The following GKAP1 variants were observed in gnomAD, a reference collection of about 807,000 sequenced individuals.
GKAP1 encodes G kinase-anchoring protein 1.
Under a neutral mutation model 56.7 loss-of-function variants are expected in GKAP1, and 31 were observed. That is an observed-to-expected ratio of 0.55 (90% CI 0.41 to 0.74). The LOEUF is 0.74. Among genes scored for constraint, GKAP1 ranks in the 30% least tolerant of loss-of-function variants. GKAP1 has a pLI of 0.00. For missense variants in GKAP1, 364 were observed against 402.3 expected (o/e 0.90, Z 0.82); for synonymous variants, 151 against 138.6 (o/e 1.09, Z -0.63).
chr9:83,796,695 G>A (rs1165989756), intron 4 of GKAP1, among the ~76,000 whole-genome samples: 1 of 151,964 alleles, frequency 6.6e-6, no homozygotes, highest in Non-Finnish European at 1.5e-5. Flanking sequence ...TCGAACTCCC[G>A]ACCTCAGCTG....
chr9:83,755,259 G>C (rs767455873), intron 8 of GKAP1, among the ~76,000 whole-genome samples: 1 of 152,070 alleles, frequency 6.6e-6, no homozygotes, highest in Non-Finnish European at 1.5e-5. Flanking sequence ...ATAGGATATA[G>C]GTTAAATATA....
At chr9:83,793,499 T>A (rs1369497865) in intron 4 of GKAP1, among the ~76,000 whole-genome samples, 1 of 152,228 alleles carries the variant, frequency 6.6e-6, no homozygotes, top group African/African-American at 2.4e-5. Context: ...TCACATTCAT[T>A]ACCACATTCA....
At chr9:83,776,338 T>G (rs1943861887) in intron 7 of GKAP1, among the ~76,000 whole-genome samples, 1 of 152,200 alleles carries the variant, frequency 6.6e-6, no homozygotes, top group South Asian at 2.1e-4. Flanking sequence ...AGGTGAGATT[T>G]ATTTAAAGCT....
chr9:83,813,629 G>A (rs1044137993), intron 2 of GKAP1, among the ~76,000 whole-genome samples: 1 of 152,170 alleles, frequency 6.6e-6, no homozygotes, highest in Non-Finnish European at 1.5e-5. Flanking sequence ...ATAATGTATA[G>A]TTGAAGGAAG....
chr9:83,811,019 G>T (rs1398823303), intron 2 of GKAP1, among the ~76,000 whole-genome samples: 3 of 152,108 alleles, frequency 2.0e-5, no homozygotes, highest in African/African-American at 7.2e-5. Flanking sequence ...TAAAGAAAAG[G>T]TACAATAAAA....
chr9:83,806,293 T>C lies in GKAP1; in HGVS notation c.216+9A>G, dbSNP rs187436883. The C allele has an allele frequency of 4.3e-5, 64 of 1,498,280 alleles. No homozygotes were observed. The highest frequency in any genetic ancestry group is 1.4e-5 in the African/African-American group (1 of 72,092). 92.8% of individuals were successfully genotyped at this position (1,498,280 alleles called of 1,614,324 possible). A position where few individuals can be genotyped will look rare whatever the true frequency, so the allele number is the denominator to read the frequency against. On this transcript the variant is annotated intron_variant, in intron 3 of 12. Coordinates refer to ENST00000376371, the MANE Select transcript of GKAP1 (RefSeq NM_025211.4). ...CTGGGAAAGCAGACAACACAGATAA[T>C]TGTGTTACCTCATTTGCTTCACTCT... is the stretch of plus-strand genomic sequence containing the variant.
intron 7 of GKAP1, among the ~76,000 whole-genome samples, chr9:83,770,593 T>C (rs1319591734): frequency 6.6e-6 from 1 of 152,136 alleles, no homozygotes; most frequent in Admixed American, 6.6e-5. Context: ...GTTTCACTCT[T>C]GTTGCCCAGG....
intron 4 of GKAP1, among the ~76,000 whole-genome samples, chr9:83,796,687 G>A (rs941151073): frequency 1.3e-5 from 2 of 151,696 alleles, no homozygotes; most frequent in East Asian, 2.0e-4. Flanking sequence ...GGCTGGTCTC[G>A]AACTCCCGAC....
intron 7 of GKAP1, among the ~76,000 whole-genome samples, chr9:83,773,838 A>C (rs987054241): frequency 5.9e-5 from 9 of 152,216 alleles, no homozygotes; most frequent in Non-Finnish European, 1.3e-4. Context: ...GTATTTTATA[A>C]TAAAATGCAG....
intron 8 of GKAP1, among the ~76,000 whole-genome samples, chr9:83,759,170 T>C (rs565871644): frequency 2.6e-5 from 4 of 152,334 alleles, no homozygotes; most frequent in South Asian, 2.1e-4. Flanking sequence ...AGGATATCCA[T>C]GATTACAGAT....
At position 83,788,691 on chromosome 9, in the gene GKAP1, A is replaced by T. The variant is rs1251881821; in HGVS notation, c.361-13T>A. On this transcript the variant is annotated splice_polypyrimidine_tract_variant and intron_variant, in intron 4 of 12. Transcript: ENST00000376371. ...TTTCAGATGTCAGCTACAAAAAAAA[A>T]GTTTCACAATAAACAGACAGTATCA... 3.2e-6 allele frequency: 5 copies of T among 1,575,728 alleles called. No individual in the cohort carries two copies. The Admixed American group carries it at 6.8e-5, about 21-fold the overall frequency.
chr9:83,787,008 G>A (rs1047112637), intron 5 of GKAP1, among the ~76,000 whole-genome samples: 3 of 152,098 alleles, frequency 2.0e-5, no homozygotes, highest in Admixed American at 6.5e-5. Flanking sequence ...TAACCTGACA[G>A]TCCATTTAAA....
At chr9:83,757,986 T>A (rs1372513166) in intron 8 of GKAP1, among the ~76,000 whole-genome samples, 1 of 152,044 alleles carries the variant, frequency 6.6e-6, no homozygotes, top group African/African-American at 2.4e-5. Context: ...AAGGTATCCA[T>A]CAAACAACAG....
At chr9:83,796,872 TTGAC>T (rs1944257099) in intron 4 of GKAP1, among the ~76,000 whole-genome samples, 1 of 152,236 alleles carries the variant, frequency 6.6e-6, no homozygotes, top group Non-Finnish European at 1.5e-5. Flanking sequence ...TACTATCCCC[TTGAC>T]TTTTACAAAA....
intron 3 of GKAP1, among the ~76,000 whole-genome samples, chr9:83,804,974 A>G (rs1268475866): frequency 6.6e-6 from 1 of 152,182 alleles, no homozygotes; most frequent in African/African-American, 2.4e-5. Flanking sequence ...GGTGTACCCA[A>G]CAGCTCATTG....
At chr9:83,807,157 A>C (rs902108476) in intron 2 of GKAP1, among the ~76,000 whole-genome samples, 19 of 152,238 alleles carry the variant, frequency 1.2e-4, no homozygotes, top group African/African-American at 4.6e-4. Context: ...ATGCAAGCAT[A>C]GGTCAGTGTA....
chr9:83,758,172 T>A (rs1265841219), intron 8 of GKAP1, among the ~76,000 whole-genome samples: 1 of 152,184 alleles, frequency 6.6e-6, no homozygotes, highest in East Asian at 1.9e-4. Flanking sequence ...CACAGAGGCT[T>A]ATATCCTTTG....
chr9:83,787,100 G>A (rs1350397147), intron 5 of GKAP1, among the ~76,000 whole-genome samples: 1 of 152,110 alleles, frequency 6.6e-6, no homozygotes, highest in African/African-American at 2.4e-5. Context: ...TAACAATAAT[G>A]GTTACAGTTC....
At chr9:83,751,886 T>C (rs1943395957) in intron 9 of GKAP1, among the ~76,000 whole-genome samples, 1 of 152,086 alleles carries the variant, frequency 6.6e-6, no homozygotes, top group Non-Finnish European at 1.5e-5. Context: ...GAATGTAAAA[T>C]GACACAGGTG....
Sources: gnomAD v4.1 joint callset for allele counts (sites outside exome capture counted in the v4.1 genomes callset) on GRCh38, gnomAD v4.1.1 for gene constraint, MANE v1.5 for transcripts, NCBI Gene and HGNC (gene_info 2026-07-23, HGNC 2026-07-21) for gene names.